The following TANC1 variants were observed in gnomAD, a reference collection of about 807,000 sequenced individuals.
The protein encoded by TANC1 is protein TANC1.
A neutral mutation model predicts 149.7 loss-of-function variants in TANC1; 77 were observed. The observed-to-expected ratio is 0.51, with a 90% CI of 0.43 to 0.62. The LOEUF (loss-of-function observed/expected upper bound fraction) is 0.62. Ranked by LOEUF, TANC1 falls within the 20% of genes least tolerant of loss-of-function variation. The probability of loss-of-function intolerance (pLI) is 0.00; values close to 1 mark genes in which losing one functional copy is unlikely to be tolerated. For synonymous variants in TANC1, 854 were observed against 925.0 expected, an observed-to-expected ratio of 0.92 and a Z score of 1.39; for missense variants, 1,985 against 2,321.8, an observed-to-expected ratio of 0.85 and a Z score of 2.98.
chr2:159,203,364 G>A (rs1310123332), intron 19 of TANC1, among the ~76,000 whole-genome samples: 1 of 151,340 alleles, frequency 6.6e-6, no homozygotes, highest in Non-Finnish European at 1.5e-5. Context: ...GCACCACCAC[G>A]CCAAGCTAAT....
In TANC1 at chr2:159,217,004, C is replaced by T. The variant is rs116359259; in HGVS notation, c.3245-493C>T. On this transcript the variant is annotated intron_variant, in intron 19 of 26. Transcript: ENST00000263635. ...AAAAACAAAAACAAAACTTAGCCAC[C>T]TCTGAATCTATAGTTTAGGCCGGGC... 9.5e-3 allele frequency among the ~76,000 whole-genome samples: 1,452 copies of T among 152,300 alleles called. 3 individuals are homozygous for T. Among genetic ancestry groups the T allele is most frequent in the Middle Eastern group, 0.027 (8 of 294 alleles).
chr2:159,054,609 G>C (rs939006055), intron 2 of TANC1, among the ~76,000 whole-genome samples: 2 of 152,150 alleles, frequency 1.3e-5, no homozygotes, highest in African/African-American at 4.8e-5. Context: ...GCATCTTTGA[G>C]GCTGTCTGAC....
chr2:159,107,979 T>C (rs528908623), intron 4 of TANC1, among the ~76,000 whole-genome samples: 1 of 152,338 alleles, frequency 6.6e-6, no homozygotes, highest in Admixed American at 6.5e-5. Flanking sequence ...CAGGATCCAA[T>C]TGTATCTTCA....
chr2:159,135,364 G>A (rs2050557868), intron 4 of TANC1, among the ~76,000 whole-genome samples: 1 of 152,232 alleles, frequency 6.6e-6, no homozygotes, highest in Non-Finnish European at 1.5e-5. Flanking sequence ...AGTACAAATG[G>A]CGTTACTGTG....
At chr2:159,150,960 G>T (rs1191816350) in intron 7 of TANC1, among the ~76,000 whole-genome samples, 1 of 152,054 alleles carries the variant, frequency 6.6e-6, no homozygotes, top group Admixed American at 6.5e-5. Context: ...TTTTCCTGAT[G>T]ATAGCTCAGG....
In TANC1 at chr2:159,231,656, C is replaced by CCTTT. The variant is rs10650872; in HGVS notation, c.*644_*645insCTTT. The CCTTT allele has an allele frequency of 0.82, 123,638 of 151,638 alleles. 51,117 individuals carry two copies. Among genetic ancestry groups the CCTTT allele is most frequent in the Non-Finnish European group, 0.89 (60,680 of 67,882 alleles). The allele number at this position is 151,638 out of a possible 1,614,324, so 9.4% of individuals were successfully genotyped here. ...TTCTTATTCATATATTTTTATAGCA[C>CCTTT]TTTTGGAACCTATATTTGTGCTTGA... On this transcript the variant is annotated 3_prime_UTR_variant, in exon 27 of 27. Coordinates refer to ENST00000263635, the MANE Select transcript of TANC1 (RefSeq NM_033394.3).
At chr2:159,047,158 T>G (rs1159456331) in intron 2 of TANC1, among the ~76,000 whole-genome samples, 2 of 151,516 alleles carry the variant, frequency 1.3e-5, no homozygotes, top group African/African-American at 4.8e-5. Context: ...ATAGGTACTT[T>G]TAAATCAGGA....
At position 159,013,077 on chromosome 2, in the gene TANC1, A is replaced by G. The variant is rs539739559; in HGVS notation, c.-16+11888A>G. Among the ~76,000 whole-genome samples, 5 of 152,302 alleles carry G rather than the reference A, an allele frequency of 3.3e-5. No individual in the cohort carries two copies. The East Asian group carries it at 5.8e-4, about 18-fold the overall frequency. ...GACTCTCTTCCAAGAAAAATTGAAGACAATTCATTAATTGTTCTGGTCATT... is the reference window on the plus strand; with the variant it reads ...GACTCTCTTCCAAGAAAAATTGAAGGCAATTCATTAATTGTTCTGGTCATT... On this transcript the variant is annotated intron_variant, in intron 2 of 26. Coordinates refer to ENST00000263635, the MANE Select transcript of TANC1 (RefSeq NM_033394.3).
chr2:159,164,096 G>A lies in TANC1; in HGVS notation c.946+550G>A, dbSNP rs917394575. On this transcript the variant is annotated intron_variant, in intron 8 of 26. Coordinates refer to ENST00000263635, the MANE Select transcript of TANC1 (RefSeq NM_033394.3). ...ATATTCGAGATAGACATGCTTTACC[G>A]AGATATGCAGCAGCTGGAACAAAGA... Among the ~76,000 whole-genome samples, 8 of 152,046 alleles carry A rather than the reference G, an allele frequency of 5.3e-5. No individual in the cohort carries two copies. In the South Asian group the frequency reaches 1.2e-3, roughly 24 times the overall value.
intron 2 of TANC1, among the ~76,000 whole-genome samples, chr2:159,016,990 T>TG (rs922687376): frequency 9.7e-4 from 148 of 152,350 alleles, no homozygotes; most frequent in African/African-American, 3.4e-3. Flanking sequence ...TGCTTGAGGC[T>TG]GTTTTTCAGT....
At chr2:159,149,090 A>G in intron 5 of TANC1, 52 bp from the exon 6 acceptor site, 1 of 1,530,522 alleles carries the variant, frequency 6.5e-7, no homozygotes, top group Non-Finnish European at 8.8e-7. Flanking sequence ...TCCAGATGCG[A>G]TACTGAAATT....
intron 3 of TANC1, among the ~76,000 whole-genome samples, chr2:159,095,265 G>A (rs948246812): frequency 2.6e-5 from 4 of 152,126 alleles, no homozygotes; most frequent in African/African-American, 9.7e-5. Flanking sequence ...TTTCTGATCT[G>A]TCTTGTTTCT....
Position 159,002,202 on chromosome 2 carries a change from C to T in TANC1, c.-16+1013C>T, listed in dbSNP as rs551365797. On this transcript the variant is annotated intron_variant, in intron 2 of 26. Coordinates refer to ENST00000263635, the MANE Select transcript of TANC1 (RefSeq NM_033394.3). Reference sequence around the variant, plus strand: ...CGGCCGGAGGGGCTGGCGGTATGGACAGTGTGGACATGAGTTCAGCCTGGG... The same window carrying T: ...CGGCCGGAGGGGCTGGCGGTATGGATAGTGTGGACATGAGTTCAGCCTGGG... Among the ~76,000 whole-genome samples, 29 of 152,282 alleles carry T rather than the reference C, an allele frequency of 1.9e-4. 1 individual carries two copies. Among genetic ancestry groups the T allele is most frequent in the African/African-American group, 6.7e-4 (28 of 41,552 alleles).
At chr2:159,065,302 C>T (rs1231868542) in intron 2 of TANC1, among the ~76,000 whole-genome samples, 1 of 152,142 alleles carries the variant, frequency 6.6e-6, no homozygotes, top group Non-Finnish European at 1.5e-5. Flanking sequence ...TTATAACTTC[C>T]TATATATTGT....
chr2:159,123,162 G>T (rs1221261910), intron 4 of TANC1, among the ~76,000 whole-genome samples: 1 of 152,212 alleles, frequency 6.6e-6, no homozygotes, highest in Non-Finnish European at 1.5e-5. Flanking sequence ...GATTCGCTGT[G>T]TGTGGATGTA....
chr2:159,205,428 C>T (rs151282050), intron 19 of TANC1, among the ~76,000 whole-genome samples: 315 of 152,316 alleles, frequency 2.1e-3, no homozygotes, highest in African/African-American at 6.9e-3. Flanking sequence ...TACAGCCATC[C>T]CCCACATAAT....
chr2:159,002,970 G>T (rs2036759932), intron 2 of TANC1, among the ~76,000 whole-genome samples: 1 of 152,268 alleles, frequency 6.6e-6, no homozygotes, highest in Non-Finnish European at 1.5e-5. Flanking sequence ...ACATGCAGCA[G>T]TATGTCAGCT....
In TANC1 at chr2:159,178,471, A is replaced by G. The variant is rs2150536958; in HGVS notation, c.1903-85A>G. The G allele has an allele frequency of 2.0e-6, 3 of 1,466,912 alleles. No individual in the cohort carries two copies. In the East Asian group the frequency reaches 6.9e-5, roughly 34 times the overall value. 90.9% of individuals were successfully genotyped at this position (1,466,912 alleles called of 1,614,324 possible). ...CCATGAAAATCCTCCTTGAAACAAA[A>G]CTAGTGAATCTGGTTTAAAATGCTG... On this transcript the variant is annotated intron_variant, in intron 13 of 26. Transcript: ENST00000263635.
chr2:159,131,258 C>T (rs1269656070), intron 4 of TANC1, among the ~76,000 whole-genome samples: 1 of 152,170 alleles, frequency 6.6e-6, no homozygotes, highest in African/African-American at 2.4e-5. Flanking sequence ...GAAAACGGCA[C>T]TCATGAGTTT....
Sources: allele counts gnomAD v4.1 joint callset (sites outside exome capture counted in the v4.1 genomes callset), GRCh38; gene constraint gnomAD v4.1.1; transcripts MANE v1.5; gene names NCBI Gene and HGNC (gene_info 2026-07-23, HGNC 2026-07-21).